The following EFCAB7 variants were observed in gnomAD, a reference collection of about 807,000 sequenced individuals.
EFCAB7 encodes EF-hand calcium binding domain 7, also known as EF-hand calcium-binding domain-containing protein 7.
A neutral mutation model predicts 77.1 loss-of-function variants in EFCAB7; 66 were observed. The observed-to-expected ratio is 0.86, with a 90% confidence interval of 0.70 to 1.05. The LOEUF is 1.05. Among genes scored for constraint, EFCAB7 ranks in the 50% least tolerant of loss-of-function variants. The probability of loss-of-function intolerance (pLI) is 0.00; values close to 1 mark genes in which losing one functional copy is unlikely to be tolerated. For synonymous variants in EFCAB7, 225 were observed against 243.3 expected, an observed-to-expected ratio of 0.92 and a Z score of 0.70; for missense variants, 638 against 730.5, an observed-to-expected ratio of 0.87 and a Z score of 1.46.
intron 6 of EFCAB7, among the ~76,000 whole-genome samples, chr1:63,539,771 T>C (rs1425868553): frequency 6.6e-6 from 1 of 152,198 alleles, no homozygotes; most frequent in African/African-American, 2.4e-5. Context: ...ATAAAATATA[T>C]TGGATGAAAT....
downstream of EFCAB7, among the ~76,000 whole-genome samples, chr1:63,577,153 A>G (rs1213131738): frequency 1.3e-5 from 2 of 151,484 alleles, no homozygotes; most frequent in Non-Finnish European, 2.9e-5. Context: ...AAAAAAGAGT[A>G]CTTTTTTTTT....
At chr1:63,573,462 C>T (rs1647324836), downstream of EFCAB7, among the ~76,000 whole-genome samples, 1 of 152,054 alleles carries the variant, frequency 6.6e-6, no homozygotes, top group Non-Finnish European at 1.5e-5. Flanking sequence ...TTAGAGAGTG[C>T]CCAAGGAGGT....
intron 7 of EFCAB7, chr1:63,551,233 G>A (rs1646960583): frequency 6.6e-6 from 1 of 152,198 alleles, no homozygotes; most frequent in Non-Finnish European, 1.5e-5. Context: ...TATAGAAAAT[G>A]TTTCTCACAA....
At chr1:63,566,756 C>G (rs1647177796) in intron 11 of EFCAB7, among the ~76,000 whole-genome samples, 1 of 151,474 alleles carries the variant, frequency 6.6e-6, no homozygotes, top group Non-Finnish European at 1.5e-5. Context: ...AAACCCAGGT[C>G]TTCTACTTTT....
At chr1:63,543,195 G>A (rs1646850605) in intron 6 of EFCAB7, among the ~76,000 whole-genome samples, 1 of 152,174 alleles carries the variant, frequency 6.6e-6, no homozygotes, top group Non-Finnish European at 1.5e-5. Flanking sequence ...TGAAAAGACT[G>A]TCCTTGCCCT....
At chr1:63,531,303 T>A (rs1221058319) in intron 2 of EFCAB7, among the ~76,000 whole-genome samples, 1 of 147,540 alleles carries the variant, frequency 6.8e-6, no homozygotes, top group Non-Finnish European at 1.5e-5. Context: ...GCGTCTAGCT[T>A]ATTTCACTTA....
chr1:63,538,481 TCTCA>T (rs1220720279), intron 6 of EFCAB7, among the ~76,000 whole-genome samples: 1 of 151,134 alleles, frequency 6.6e-6, no homozygotes, highest in Non-Finnish European at 1.5e-5. Flanking sequence ...TGAGATGGAG[TCTCA>T]CTCTATTGCC....
intron 4 of EFCAB7, 51 bp from the exon 5 acceptor site, chr1:63,533,403 C>T: frequency 1.5e-6 from 2 of 1,376,442 alleles, no homozygotes; most frequent in Non-Finnish European, 2.0e-6. Flanking sequence ...TTCTCCTCTT[C>T]CCCAGTGTAT....
chr1:63,525,444 C>T, intron 1 of EFCAB7, 128 bp from the exon 2 acceptor site: 4 of 679,414 alleles, frequency 5.9e-6, no homozygotes, highest in Admixed American at 3.8e-5. Flanking sequence ...TTGATCTTTT[C>T]ATATATGTTA....
chr1:63,553,560 G>A (rs1057070336), intron 8 of EFCAB7, among the ~76,000 whole-genome samples: 5 of 152,102 alleles, frequency 3.3e-5, no homozygotes, highest in African/African-American at 4.8e-5. Context: ...GGATGGTCTC[G>A]ATCTCTTGAC....
At chr1:63,547,658 C>T (rs957205966) in intron 7 of EFCAB7, 5 of 152,184 alleles carry the variant, frequency 3.3e-5, no homozygotes, top group African/African-American at 1.2e-4. Flanking sequence ...TCTGTTAGTT[C>T]TTAGTCTGAG....
chr1:63,564,232 T>C (rs1025585634), intron 11 of EFCAB7, among the ~76,000 whole-genome samples: 6 of 152,178 alleles, frequency 3.9e-5, no homozygotes, highest in Non-Finnish European at 7.3e-5. Flanking sequence ...TTACAGTTAA[T>C]AGTTTTCTTG....
downstream of EFCAB7, among the ~76,000 whole-genome samples, chr1:63,576,871 C>T (rs1178474699): frequency 4.6e-5 from 7 of 150,894 alleles, 1 homozygote; most frequent in South Asian, 6.3e-4. Flanking sequence ...TGCTCTTGGC[C>T]GGGTGCTGTG....
chr1:63,566,766 T>G (rs1647177887), intron 11 of EFCAB7, among the ~76,000 whole-genome samples: 1 of 151,558 alleles, frequency 6.6e-6, no homozygotes, highest in Non-Finnish European at 1.5e-5. Context: ...CTTCTACTTT[T>G]TAGTCCAATG....
In EFCAB7 at chr1:63,568,392, A is replaced by C. The variant is rs1365128400; in HGVS notation, c.1580A>C (p.Gln527Pro). ...KAVHMEACSG[Q>P]LEKAICKSVL... is the part of the protein sequence containing the mutation. ...GTCCATATGGAGGCATGTAGTGGAC[A>C]ACTTGAGAAGGCCATTTGTAAATCT... Residue 527 changes from glutamine (Q) to proline (P), a missense_variant, in exon 12 of 14, where the codon CAA (glutamine) becomes CCA (proline). Transcript: ENST00000371088. The C allele has an allele frequency of 6.3e-7, 1 of 1,583,964 alleles. No individual in the cohort carries two copies. Among genetic ancestry groups the C allele is most frequent in the Non-Finnish European group, 8.6e-7 (1 of 1,169,060 alleles).
At chr1:63,539,544 A>C (rs973842204) in intron 6 of EFCAB7, among the ~76,000 whole-genome samples, 2 of 152,202 alleles carry the variant, frequency 1.3e-5, no homozygotes, top group African/African-American at 2.4e-5. Flanking sequence ...TATAACTTAC[A>C]CACTGGAGAG....
intron 6 of EFCAB7, among the ~76,000 whole-genome samples, chr1:63,539,128 T>C (rs1646798737): frequency 6.6e-6 from 1 of 152,222 alleles, no homozygotes; most frequent in Non-Finnish European, 1.5e-5. Flanking sequence ...TATAAAGCTA[T>C]GTCCTGTTAA....
intron 8 of EFCAB7, among the ~76,000 whole-genome samples, chr1:63,553,615 G>A (rs1000296826): frequency 8.5e-5 from 13 of 152,186 alleles, no homozygotes; most frequent in African/African-American, 2.7e-4. Context: ...TGGGATTACA[G>A]GCTTGAGCCA....
intron 10 of EFCAB7, among the ~76,000 whole-genome samples, chr1:63,560,073 C>T (rs527388237): frequency 1.6e-4 from 24 of 152,138 alleles, no homozygotes; most frequent in Admixed American, 1.3e-4. Context: ...CTGCCTCAGC[C>T]TCCCGAGTAG....
Sources: gnomAD v4.1 joint callset for allele counts (sites outside exome capture counted in the v4.1 genomes callset) on GRCh38, gnomAD v4.1.1 for gene constraint, MANE v1.5 for transcripts, NCBI Gene and HGNC (gene_info 2026-07-23, HGNC 2026-07-21) for gene names.